The following ZRANB1 variants were observed in gnomAD, a reference collection of about 807,000 sequenced individuals.
ZRANB1 encodes ubiquitin thioesterase ZRANB1.
A neutral mutation model predicts 80.5 loss-of-function variants in ZRANB1; 16 were observed. The observed-to-expected ratio is 0.20, with a 90% CI of 0.13 to 0.30. The LOEUF is 0.30. Among genes scored for constraint, ZRANB1 ranks in the 10% least tolerant of loss-of-function variants. The pLI, the probability that ZRANB1 is intolerant of heterozygous loss-of-function variation, is 1.00. For missense variants in ZRANB1, 576 were observed against 862.6 expected, an observed-to-expected ratio of 0.67 and a Z score of 4.16; for synonymous variants, 291 against 293.1, an observed-to-expected ratio of 0.99 and a Z score of 0.07.
intron 1 of ZRANB1, among the ~76,000 whole-genome samples, chr10:124,964,772 A>G (rs960246859): frequency 6.6e-6 from 1 of 152,346 alleles, no homozygotes; most frequent in South Asian, 2.1e-4. Context: ...GATGCTATGT[A>G]TACCTGAGAA....
At chr10:124,935,263 A>G in the ZRANB1 span, among the ~76,000 whole-genome samples, 1 of 151,598 alleles carries the variant, frequency 6.6e-6, no homozygotes, top group Non-Finnish European at 1.5e-5. Flanking sequence ...GAAATGAGAG[A>G]AAAACATGTA....
chr10:124,937,183 A>ATT (rs35095657), upstream of ZRANB1, among the ~76,000 whole-genome samples: 4 of 93,972 alleles, frequency 4.3e-5, no homozygotes, highest in South Asian at 3.9e-4. Context: ...ATTTGTGTGT[A>ATT]TTTTTTTTTT....
At chr10:124,944,561 CT>C (rs747003153) in intron 1 of ZRANB1, among the ~76,000 whole-genome samples, 212 of 144,458 alleles carry the variant, frequency 1.5e-3, no homozygotes, top group Non-Finnish European at 2.5e-3. Context: ...TCATGGCTCA[CT>C]GCAGCCTCAA....
chr10:124,930,081 A>G, the ZRANB1 span, among the ~76,000 whole-genome samples: 1 of 152,022 alleles, frequency 6.6e-6, no homozygotes, highest in Admixed American at 6.6e-5. Context: ...AGTGTTCGTG[A>G]TGTTAATGGG....
In ZRANB1 at chr10:124,972,045, C is replaced by T; in HGVS notation, c.1083C>T (p.Ala361=). The change falls in exon 3 of 9, where the codon GCC becomes GCT. Residue 361 remains alanine, a synonymous_variant. Transcript: ENST00000359653. The part of the protein sequence containing the change: ...LTEQIRREIA[A]SLHQRKGDFA... ...AACAAATCCGGAGAGAGATAGCTGCCTCTCTTCATCAGAGAAAGGGGGATT... is the reference window on the plus strand; with the variant it reads ...AACAAATCCGGAGAGAGATAGCTGCTTCTCTTCATCAGAGAAAGGGGGATT... 6.2e-7 allele frequency: 1 copy of T among 1,613,910 alleles called. No individual in the cohort carries two copies. The highest frequency in any genetic ancestry group is 8.5e-7 in the Non-Finnish European group (1 of 1,179,846).
At chr10:124,949,396 A>G (rs931684827) in intron 1 of ZRANB1, among the ~76,000 whole-genome samples, 2 of 141,070 alleles carry the variant, frequency 1.4e-5, no homozygotes, top group Non-Finnish European at 2.9e-5. Flanking sequence ...ACAAGTTCAC[A>G]TTGAAACTAT....
At chr10:124,944,263 T>C (rs1308113883) in intron 1 of ZRANB1, among the ~76,000 whole-genome samples, 1 of 152,182 alleles carries the variant, frequency 6.6e-6, no homozygotes, top group Admixed American at 6.5e-5. Context: ...TTTGGTCTTA[T>C]GAGGGAAATT....
rs1368701401 is a variant in ZRANB1 at position 124,944,496 on chromosome 10, C to T, written c.814+1189C>T. ...TTATATATATCATTCCCCCCCCCCCCCCGCCCCAAGATGGGATCTCACTCT... is the reference window on the plus strand; with the variant it reads ...TTATATATATCATTCCCCCCCCCCCTCCGCCCCAAGATGGGATCTCACTCT... On this transcript the variant is annotated intron_variant, in intron 1 of 8. Transcript: ENST00000359653. Among the ~76,000 whole-genome samples, 5 of 90,382 alleles carry T rather than the reference C, an allele frequency of 5.5e-5. 1 individual carries two copies. The highest frequency in any genetic ancestry group is 2.3e-4 in the Admixed American group (2 of 8,762). The allele number at this position is 90,382 out of a possible 152,430, so 59.3% of individuals were successfully genotyped here.
the ZRANB1 span, among the ~76,000 whole-genome samples, chr10:124,921,191 G>T: frequency 2.0e-5 from 3 of 152,180 alleles, no homozygotes; most frequent in Non-Finnish European, 4.4e-5. Flanking sequence ...GCAGTTACTT[G>T]GGTCTTGGAT....
chr10:124,948,974 T>C (rs1265686500), intron 1 of ZRANB1, among the ~76,000 whole-genome samples: 1 of 152,170 alleles, frequency 6.6e-6, no homozygotes, highest in Admixed American at 6.5e-5. Flanking sequence ...TTTTCAATAG[T>C]TGGGGCTCAA....
Position 124,983,230 on chromosome 10 carries a change from G to A in ZRANB1, c.1604G>A (p.Arg535Gln), listed in dbSNP as rs1327640922. 1.2e-6 allele frequency: 2 copies of A among 1,614,102 alleles called. No individual in the cohort carries two copies. The highest frequency in any genetic ancestry group is 1.7e-6 in the Non-Finnish European group (2 of 1,180,012). The change falls in exon 7 of 9, where the codon CGA becomes CAA. Residue 535 changes from arginine to glutamine, a missense_variant. Arg to Gln is a conservative substitution (Grantham distance 43, BLOSUM62 1). Around this residue, in one of 3 missense-constraint regions of ZRANB1, gnomAD observed 152 missense variants for 221.9 expected, o/e 0.69. Coordinates refer to ENST00000359653, the MANE Select transcript of ZRANB1 (RefSeq NM_017580.3). This position sits in a 1 kb window ranked among gnomAD's most constrained non-coding sequence, Gnocchi z 6.2. ...TTTGTACTGGCACATATTCTTAGACGACCAATTATAGTTTATGGAGTAAAA... is the reference window on the plus strand; with the variant it reads ...TTTGTACTGGCACATATTCTTAGACAACCAATTATAGTTTATGGAGTAAAA... The part of the protein sequence containing the change: ...HIFVLAHILR[R>Q]PIIVYGVKYY...
intron 2 of ZRANB1, among the ~76,000 whole-genome samples, chr10:124,970,670 A>G (rs931499968): frequency 6.6e-6 from 1 of 152,172 alleles, no homozygotes; most frequent in African/African-American, 2.4e-5. Context: ...TGATGTAGAT[A>G]ACATTATCAT....
intron 5 of ZRANB1, among the ~76,000 whole-genome samples, chr10:124,976,792 G>A (rs1216300727): frequency 6.6e-6 from 1 of 151,620 alleles, no homozygotes; most frequent in Admixed American, 6.6e-5. Flanking sequence ...GGCTGGTCTC[G>A]AACTCCTGAG....
In ZRANB1 at chr10:124,983,868, C is replaced by T. The variant is rs1386735301; in HGVS notation, c.1908+180C>T. Among the ~76,000 whole-genome samples the T allele has an allele frequency of 4.1e-4, 62 of 152,186 alleles. No individual in the cohort carries two copies. The highest frequency in any genetic ancestry group is 7.4e-5 in the Non-Finnish European group (5 of 68,016). ...CCTTTTCAAAACTGCTGTATGGGGA[C>T]ACATCAAGGAACTTAAGGTGGTGAT... On this transcript the variant is annotated intron_variant, in intron 8 of 8. Transcript: ENST00000359653. The surrounding 1 kb of genome is among the most constrained non-coding windows in gnomAD (Gnocchi z 6.2).
intron 1 of ZRANB1, among the ~76,000 whole-genome samples, chr10:124,952,914 AC>A (rs1258454200): frequency 1.3e-5 from 2 of 151,664 alleles, no homozygotes; most frequent in African/African-American, 4.8e-5. Context: ...CCAGCCCTAA[AC>A]AAATAGTATT....
chr10:124,979,703 A>G (rs981393251), intron 5 of ZRANB1, among the ~76,000 whole-genome samples: 1 of 152,144 alleles, frequency 6.6e-6, no homozygotes, highest in East Asian at 1.9e-4. Context: ...TTTTGTTTAA[A>G]GTGTGAGATG....
rs1951548979 is a variant in ZRANB1 at position 124,942,879 on chromosome 10, C to G, written c.386C>G (p.Pro129Arg). 6.2e-7 allele frequency: 1 copy of G among 1,614,198 alleles called. No individual in the cohort carries two copies. The highest frequency in any genetic ancestry group is 1.1e-5 in the South Asian group (1 of 91,086). ...CAGTCCTCAGGATCTGGCTCAAGAC[C>G]AGTTGCTTTTTCTGTTGATCCTTGT... ...SPQSSGSGSR[P>R]VAFSVDPCEE... Residue 129 changes from proline (P) to arginine (R), a missense_variant, in exon 1 of 9, where the codon CCA (proline) becomes CGA (arginine). Pro to Arg is a moderately radical substitution (Grantham distance 103). This residue lies in a region of ZRANB1 where 411 missense variants were observed against 583.1 expected (regional missense o/e 0.70). Coordinates refer to ENST00000359653, the MANE Select transcript of ZRANB1 (RefSeq NM_017580.3).
At chr10:124,939,620 A>G (rs543950058), upstream of ZRANB1, among the ~76,000 whole-genome samples, 1 of 152,350 alleles carries the variant, frequency 6.6e-6, no homozygotes, top group South Asian at 2.1e-4. Flanking sequence ...TTATCAAAAC[A>G]AGTATGGATT....
At position 124,942,991 on chromosome 10, in the gene ZRANB1, T is replaced by G; in HGVS notation, c.498T>G (p.Ala166=). The part of the protein sequence containing the change: ...SVCTYENWAK[A]KRCVVCDHPR... ...GCACATATGAAAACTGGGCCAAGGC[T>G]AAAAGATGTGTTGTTTGTGATCATC... is the stretch of plus-strand genomic sequence containing the variant. The change falls in exon 1 of 9, where the codon GCT becomes GCG. Residue 166 remains alanine, a synonymous_variant. Transcript: ENST00000359653. 1 of 1,614,208 alleles carries G rather than the reference T, an allele frequency of 6.2e-7. No homozygotes were observed. Among genetic ancestry groups the G allele is most frequent in the Non-Finnish European group, 8.5e-7 (1 of 1,180,028 alleles).
Sources: allele counts gnomAD v4.1 joint callset (sites outside exome capture counted in the v4.1 genomes callset), GRCh38; gene constraint gnomAD v4.1.1; regional missense constraint gnomAD v4.1.1; non-coding constraint Gnocchi (gnomAD v3.1); transcripts MANE v1.5; gene names NCBI Gene and HGNC (gene_info 2026-07-23, HGNC 2026-07-21).